Variants in PXYLP1 observed in about 807,000 individuals in gnomAD.
The protein encoded by PXYLP1 is acid phosphatase-like 2.
A neutral mutation model predicts 37.9 loss-of-function variants in PXYLP1; 17 were observed. The observed-to-expected ratio is 0.45, with a 90% CI of 0.31 to 0.67. The LOEUF (loss-of-function observed/expected upper bound fraction) is 0.67. Among genes scored for constraint, PXYLP1 ranks in the 30% least tolerant of loss-of-function variants. The pLI is 0.07. For missense variants in PXYLP1, 511 were observed against 612.0 expected (o/e 0.84, Z 1.74); for synonymous variants, 221 against 232.2 (o/e 0.95, Z 0.44).
intron 1 of PXYLP1, among the ~76,000 whole-genome samples, chr3:141,242,397 T>C (rs1328556573): frequency 6.6e-6 from 1 of 152,202 alleles, no homozygotes; most frequent in Non-Finnish European, 1.5e-5. Context: ...AAAAAGGAAC[T>C]TTCAGCACTG....
Position 141,292,342 on chromosome 3 carries a change from G to A in PXYLP1, c.580G>A (p.Asp194Asn). Reference sequence around the variant, plus strand: ...AAAGAAACACAAACTCCTGCCCAATGATTGGTCTGCAGACCAGCTCTATTT... The same window carrying A: ...AAAGAAACACAAACTCCTGCCCAATAATTGGTCTGCAGACCAGCTCTATTT... ...YLKKHKLLPN[D>N]WSADQLYLET... is the part of the protein sequence containing the mutation. The change falls in exon 6 of 6, where the codon GAT becomes AAT. Residue 194 changes from aspartate to asparagine, a missense_variant. Physicochemically the swap from Asp to Asn is conservative, Grantham distance 23. Transcript: ENST00000286353. The surrounding 1 kb of genome is among the most constrained non-coding windows in gnomAD (Gnocchi z 4.3). 1.2e-6 allele frequency: 2 copies of A among 1,613,994 alleles called. No individual in the cohort carries two copies. Among genetic ancestry groups the A allele is most frequent in the Non-Finnish European group, 1.7e-6 (2 of 1,179,952 alleles).
chr3:141,255,095 A>G (rs1235677294), intron 1 of PXYLP1, among the ~76,000 whole-genome samples: 3 of 152,222 alleles, frequency 2.0e-5, no homozygotes, highest in Admixed American at 1.3e-4. Context: ...ATTCTTCATA[A>G]TGTAATGGGA....
At chr3:141,245,470 C>G (rs1477573929) in intron 1 of PXYLP1, among the ~76,000 whole-genome samples, 1 of 152,174 alleles carries the variant, frequency 6.6e-6, no homozygotes, top group African/African-American at 2.4e-5. Flanking sequence ...GTTCTCTGTC[C>G]TTTTTTCCTT....
chr3:141,246,811 A>C (rs1418893736), intron 1 of PXYLP1, among the ~76,000 whole-genome samples: 1 of 152,172 alleles, frequency 6.6e-6, no homozygotes, highest in Non-Finnish European at 1.5e-5. Flanking sequence ...GTCATTTTAC[A>C]CTTATCCTCA....
Position 141,279,404 on chromosome 3 carries a change from G to A in PXYLP1, c.265G>A (p.Val89Ile), listed in dbSNP as rs1283469356. ...TCATGCCCCGCATCATTTTAAGCTG[G>A]TCTCAGTGCATGTGTTCATTCGCCA... ...EGHAPHHFKL[V>I]SVHVFIRHGD... is the part of the protein sequence containing the mutation. Residue 89 changes from valine to isoleucine, a missense_variant, in exon 4 of 6, where the codon GTC becomes ATC. Coordinates refer to ENST00000286353, the MANE Select transcript of PXYLP1 (RefSeq NM_001037172.3). The A allele has an allele frequency of 6.2e-7, 1 of 1,614,094 alleles. No individual in the cohort carries two copies. The highest frequency in any genetic ancestry group is 8.5e-7 in the Non-Finnish European group (1 of 1,180,050).
At chr3:141,254,345 T>G (rs568906714) in intron 1 of PXYLP1, among the ~76,000 whole-genome samples, 52 of 152,362 alleles carry the variant, frequency 3.4e-4, no homozygotes, top group Middle Eastern at 3.4e-3. Context: ...TCTTACCACT[T>G]AGAATAGTGC....
At chr3:141,265,864 G>C (rs1941498067) in intron 2 of PXYLP1, among the ~76,000 whole-genome samples, 1 of 152,218 alleles carries the variant, frequency 6.6e-6, no homozygotes, top group Admixed American at 6.5e-5. Flanking sequence ...AAGAGGCCAC[G>C]GGAAAGTGCT....
chr3:141,293,293 G>A lies in PXYLP1; in HGVS notation c.*88G>A, dbSNP rs1329580795. ...CTAGTTTTGTCTGTTACTAAGGGTAGAAGATTATTGCTTTTTAAAGGCTAA... is the reference window on the plus strand; with the variant it reads ...CTAGTTTTGTCTGTTACTAAGGGTAAAAGATTATTGCTTTTTAAAGGCTAA... On this transcript the variant is annotated 3_prime_UTR_variant, in exon 6 of 6. Coordinates refer to ENST00000286353, the MANE Select transcript of PXYLP1 (RefSeq NM_001037172.3). 1 of 1,306,222 alleles carries A rather than the reference G, an allele frequency of 7.7e-7. No homozygotes were observed. The highest frequency in any genetic ancestry group is 1.0e-6 in the Non-Finnish European group (1 of 962,896). The allele number at this position is 1,306,222 out of a possible 1,614,324, so 80.9% of individuals were successfully genotyped here. A position where few individuals can be genotyped will look rare whatever the true frequency, so the allele number is the denominator to read the frequency against.
chr3:141,257,355 A>C (rs1392068315), intron 1 of PXYLP1, among the ~76,000 whole-genome samples: 1 of 152,200 alleles, frequency 6.6e-6, no homozygotes, highest in African/African-American at 2.4e-5. Context: ...GACAAGCCCC[A>C]ATGCATAAGT....
In PXYLP1 at chr3:141,273,047, C is replaced by T. The variant is rs572723095; in HGVS notation, c.80-5295C>T. On this transcript the variant is annotated intron_variant, in intron 2 of 5. Transcript: ENST00000286353. ...TGCATCGTTTCCATACCTGCACCCC[C>T]CAACCAGCAACCAGTGAGTGCAGGG... The T allele has an allele frequency of 1.2e-4, 118 of 985,468 alleles. No homozygotes were observed. The East Asian group carries it at 2.6e-3, about 22-fold the overall frequency. The allele number at this position is 985,468 out of a possible 1,614,324, so 61.0% of individuals were successfully genotyped here.
chr3:141,275,827 A>G (rs200441823), intron 2 of PXYLP1, among the ~76,000 whole-genome samples: 3 of 152,134 alleles, frequency 2.0e-5, no homozygotes, highest in African/African-American at 7.2e-5. Flanking sequence ...CCTAGACAGC[A>G]TAGAAATACA....
chr3:141,282,183 C>G (rs552475154), intron 4 of PXYLP1, among the ~76,000 whole-genome samples: 1 of 152,296 alleles, frequency 6.6e-6, no homozygotes, highest in East Asian at 1.9e-4. Context: ...CTCGTGCTCA[C>G]TCACTGCGCT....
At chr3:141,250,681 G>A (rs552882771) in intron 1 of PXYLP1, among the ~76,000 whole-genome samples, 1 of 152,354 alleles carries the variant, frequency 6.6e-6, no homozygotes, top group East Asian at 1.9e-4. Context: ...GAGTATGGCT[G>A]TGATGCCTGG....
chr3:141,276,553 G>A (rs1941800473), intron 2 of PXYLP1, among the ~76,000 whole-genome samples: 1 of 152,202 alleles, frequency 6.6e-6, no homozygotes, highest in South Asian at 2.1e-4. Flanking sequence ...TGTTCTGCTA[G>A]AGATGGATAT....
rs149990325 is a variant in PXYLP1 at position 141,268,109 on chromosome 3, G to A, written c.79+7855G>A. On this transcript the variant is annotated intron_variant, in intron 2 of 5. Coordinates refer to ENST00000286353, the MANE Select transcript of PXYLP1 (RefSeq NM_001037172.3). ...ACATAGACCTGTCTCTATTGACTTG[G>A]AAGGTTGTGCATAATATATTAAATT... 6.8e-3 allele frequency among the ~76,000 whole-genome samples: 1,028 copies of A among 151,334 alleles called. 9 individuals are homozygous for A. The highest frequency in any genetic ancestry group is 0.016 in the African/African-American group (656 of 41,192).
chr3:141,258,233 C>A (rs1451827980), intron 1 of PXYLP1, among the ~76,000 whole-genome samples: 1 of 152,084 alleles, frequency 6.6e-6, no homozygotes, highest in Non-Finnish European at 1.5e-5. Flanking sequence ...CTTCCCAGGC[C>A]CAGAGTGAGA....
At chr3:141,242,234 A>G (rs1940821917) in intron 1 of PXYLP1, among the ~76,000 whole-genome samples, 1 of 152,126 alleles carries the variant, frequency 6.6e-6, no homozygotes, top group African/African-American at 2.4e-5. Flanking sequence ...CATTGAAATG[A>G]ACGCTCAATC....
chr3:141,266,689 TGAGGGGGA>T (rs926232549), intron 2 of PXYLP1, among the ~76,000 whole-genome samples: 6 of 39,210 alleles, frequency 1.5e-4, no homozygotes, highest in Non-Finnish European at 3.0e-4. Flanking sequence ...GAGGGAGAGA[TGAGGGGGA>T]GAGAGGGAGA....
Position 141,292,591 on chromosome 3 carries a change from G to A in PXYLP1, c.829G>A (p.Glu277Lys). The A allele has an allele frequency of 6.2e-7, 1 of 1,614,072 alleles. No individual in the cohort carries two copies. Among genetic ancestry groups the A allele is most frequent in the Non-Finnish European group, 8.5e-7 (1 of 1,180,012 alleles). The stretch of plus-strand genomic sequence containing the variant: ...CAGCCAGCTGGAGAAGACCTACGGG[G>A]AGATGGCCAAGATCGTGGATGTCCC... Reference protein sequence around the residue: ...KNSQLEKTYGEMAKIVDVPTK... With the variant: ...KNSQLEKTYGKMAKIVDVPTK... Residue 277 changes from glutamate to lysine, a missense_variant, in exon 6 of 6, where the codon GAG (glutamate) becomes AAG (lysine). Transcript: ENST00000286353. This position sits in a 1 kb window ranked among gnomAD's most constrained non-coding sequence, Gnocchi z 4.3.
Sources: gnomAD v4.1 joint callset for allele counts (sites outside exome capture counted in the v4.1 genomes callset) on GRCh38, gnomAD v4.1.1 for gene constraint, Gnocchi (gnomAD v3.1) non-coding constraint, MANE v1.5 for transcripts, NCBI Gene and HGNC (gene_info 2026-07-23, HGNC 2026-07-21) for gene names.